The following ZBTB8A variants were observed in gnomAD, a reference collection of about 807,000 sequenced individuals.
The protein encoded by ZBTB8A is zinc finger and BTB domain containing 8A.
In ZBTB8A, 19 loss-of-function variants were observed where a neutral mutation model predicts 37.8. The ratio of observed to expected loss-of-function variants is 0.50; its 90% CI spans 0.35 to 0.74. The LOEUF is 0.74. ZBTB8A is among the 30% of genes least tolerant of loss of function. The pLI is 0.01. For missense variants in ZBTB8A, 394 were observed against 537.8 expected (o/e 0.73, Z 2.65); for synonymous variants, 181 against 185.2 (o/e 0.98, Z 0.19).
chr1:32,595,297 T>C, intron 4 of ZBTB8A, 74 bp downstream of exon 4: 1 of 1,468,470 alleles, frequency 6.8e-7, no homozygotes, highest in East Asian at 2.3e-5. Context: ...AGATGGAGTT[T>C]CACTCTTGTT....
At chr1:32,582,100 T>A (rs1008208562) in intron 2 of ZBTB8A, among the ~76,000 whole-genome samples, 1 of 152,084 alleles carries the variant, frequency 6.6e-6, no homozygotes, top group African/African-American at 2.4e-5. Context: ...AACAGAGGAA[T>A]TATTATATTT....
At chr1:32,542,333 G>A (rs1211127018) in intron 1 of ZBTB8A, among the ~76,000 whole-genome samples, 1 of 151,288 alleles carries the variant, frequency 6.6e-6, no homozygotes, top group Non-Finnish European at 1.5e-5. Flanking sequence ...GGCCTCGGGG[G>A]TCGGGGGGGC....
At chr1:32,552,102 G>T (rs1195346210) in intron 1 of ZBTB8A, among the ~76,000 whole-genome samples, 1 of 152,118 alleles carries the variant, frequency 6.6e-6, no homozygotes, top group Non-Finnish European at 1.5e-5. Flanking sequence ...AGTGGCTCAT[G>T]CCTATAATTT....
At chr1:32,598,842 G>T (rs1035683834) in intron 4 of ZBTB8A, among the ~76,000 whole-genome samples, 1 of 151,906 alleles carries the variant, frequency 6.6e-6, no homozygotes, top group African/African-American at 2.4e-5. Context: ...GATAATACTA[G>T]GCTGATATAT....
At chr1:32,584,508 CTTTTT>C (rs1177778440) in intron 2 of ZBTB8A, among the ~76,000 whole-genome samples, 261 of 117,848 alleles carry the variant, frequency 2.2e-3, no homozygotes, top group African/African-American at 7.3e-3. Flanking sequence ...TTCTTTCTTT[CTTTTT>C]TTTTTTTTTT....
At position 32,595,164 on chromosome 1, in the gene ZBTB8A, T is replaced by C. The variant is rs771954288; in HGVS notation, c.934T>C (p.Cys312Arg). ...RCHTGERPYP[C>R]QACGKRFSRL... ...TCATACAGGAGAAAGGCCCTATCCA[T>C]GTCAAGCTTGTGGAAAAAGATTTAG... Residue 312 changes from cysteine (C) to arginine (R), a missense_variant, in exon 4 of 5, where the codon TGT becomes CGT. This residue lies in a region of ZBTB8A where 42 missense variants were observed against 96.4 expected (regional missense o/e 0.44). Transcript: ENST00000373510. 1 of 1,614,250 alleles carries C rather than the reference T, an allele frequency of 6.2e-7. No homozygotes were observed. The highest frequency in any genetic ancestry group is 8.5e-7 in the Non-Finnish European group (1 of 1,180,044).
At chr1:32,544,707 TAAAC>T (rs1029414603) in intron 1 of ZBTB8A, among the ~76,000 whole-genome samples, 38 of 152,104 alleles carry the variant, frequency 2.5e-4, no homozygotes, top group Admixed American at 1.2e-3. Flanking sequence ...CAAAAATAAA[TAAAC>T]AAATAAATAA....
At chr1:32,599,199 G>GC (rs1462278055) in intron 4 of ZBTB8A, among the ~76,000 whole-genome samples, 3 of 128,516 alleles carry the variant, frequency 2.3e-5, no homozygotes, top group Admixed American at 1.7e-4. Context: ...TGCACCCCCC[G>GC]CCCCCACCTC....
At chr1:32,581,896 G>A (rs551694946) in intron 2 of ZBTB8A, among the ~76,000 whole-genome samples, 2 of 152,206 alleles carry the variant, frequency 1.3e-5, no homozygotes, top group East Asian at 1.9e-4. Flanking sequence ...ATCAGATCTC[G>A]TGAGACTCAC....
At chr1:32,541,031 AAGAT>A (rs1644048815) in intron 1 of ZBTB8A, among the ~76,000 whole-genome samples, 1 of 152,250 alleles carries the variant, frequency 6.6e-6, no homozygotes, top group African/African-American at 2.4e-5. Context: ...AAAACTTTGT[AAGAT>A]AGAGTAATTT....
intron 1 of ZBTB8A, among the ~76,000 whole-genome samples, chr1:32,540,241 G>C (rs1205272764): frequency 6.6e-6 from 1 of 152,050 alleles, no homozygotes; most frequent in Non-Finnish European, 1.5e-5. Flanking sequence ...TCAGCGGCTT[G>C]TTCCCTTCCC....
chr1:32,600,470 C>T lies in ZBTB8A; in HGVS notation c.*51C>T. On this transcript the variant is annotated 3_prime_UTR_variant, in exon 5 of 5. Coordinates refer to ENST00000373510, the MANE Select transcript of ZBTB8A (RefSeq NM_001040441.3). ...CATGTCTGCAATTTACATTGACTTC[C>T]TGTATCTCTCTCTTTCTATGGTCGG... is the stretch of plus-strand genomic sequence containing the variant. The T allele has an allele frequency of 1.5e-6, 2 of 1,321,980 alleles. No individual in the cohort carries two copies. Among genetic ancestry groups the T allele is most frequent in the South Asian group, 1.3e-5 (1 of 74,736 alleles). 81.9% of individuals were successfully genotyped at this position (1,321,980 alleles called of 1,614,324 possible). A position where few individuals can be genotyped will look rare whatever the true frequency, so the allele number is the denominator to read the frequency against.
chr1:32,590,391 C>A (rs1362964102), intron 2 of ZBTB8A, among the ~76,000 whole-genome samples: 1 of 152,062 alleles, frequency 6.6e-6, no homozygotes, highest in East Asian at 1.9e-4. Context: ...TTTACCTTCT[C>A]CTTGGACATA....
chr1:32,578,577 C>A (rs926455806), intron 2 of ZBTB8A, among the ~76,000 whole-genome samples: 1 of 151,988 alleles, frequency 6.6e-6, no homozygotes, highest in Non-Finnish European at 1.5e-5. Flanking sequence ...TTAAAAAAAT[C>A]TTTGAGTATA....
intron 1 of ZBTB8A, among the ~76,000 whole-genome samples, chr1:32,546,297 A>G (rs1210621689): frequency 1.3e-5 from 2 of 152,058 alleles, no homozygotes; most frequent in Non-Finnish European, 2.9e-5. Flanking sequence ...TATAATAATT[A>G]GCCAGGTGTG....
At chr1:32,565,078 C>T (rs1476928358) in intron 2 of ZBTB8A, among the ~76,000 whole-genome samples, 1 of 152,072 alleles carries the variant, frequency 6.6e-6, no homozygotes, top group Non-Finnish European at 1.5e-5. Flanking sequence ...GCCTGTAATC[C>T]CAACACTTTG....
At position 32,603,930 on chromosome 1, in the gene ZBTB8A, G is replaced by A. The variant is rs1046441872; in HGVS notation, c.*3511G>A. 2 of 152,212 alleles carry A rather than the reference G, an allele frequency of 1.3e-5. No homozygotes were observed. The highest frequency in any genetic ancestry group is 4.8e-5 in the African/African-American group (2 of 41,438). The allele number at this position is 152,212 out of a possible 1,614,324, so 9.4% of individuals were successfully genotyped here. A position where few individuals can be genotyped will look rare whatever the true frequency, so the allele number is the denominator to read the frequency against. ...CAGTTATAGCATATATATCTAAGACGTTAGAGACCAGTTATTTTCTAGAGT... is the reference window on the plus strand; with the variant it reads ...CAGTTATAGCATATATATCTAAGACATTAGAGACCAGTTATTTTCTAGAGT... On this transcript the variant is annotated 3_prime_UTR_variant, in exon 5 of 5. Transcript: ENST00000373510.
chr1:32,563,494 A>G (rs995528985), intron 2 of ZBTB8A, among the ~76,000 whole-genome samples: 1 of 151,134 alleles, frequency 6.6e-6, no homozygotes, highest in African/African-American at 2.4e-5. Flanking sequence ...ACAAGGTCTC[A>G]CTTTGTCACC....
chr1:32,547,504 C>T (rs1055888209), intron 1 of ZBTB8A, among the ~76,000 whole-genome samples: 1 of 150,252 alleles, frequency 6.7e-6, no homozygotes, highest in Admixed American at 6.7e-5. Flanking sequence ...ACTACAGGTT[C>T]GAGCCACTGT....
Sources: gnomAD v4.1 joint callset for allele counts (sites outside exome capture counted in the v4.1 genomes callset) on GRCh38, gnomAD v4.1.1 for gene constraint, gnomAD v4.1.1 regional missense constraint, MANE v1.5 for transcripts, NCBI Gene and HGNC (gene_info 2026-07-23, HGNC 2026-07-21) for gene names.